EYA4: variants seen among roughly 807,000 people sequenced by gnomAD.
EYA4 encodes protein phosphatase EYA4.
A neutral mutation model predicts 87.9 loss-of-function variants in EYA4; 31 were observed. The observed-to-expected ratio is 0.35, with a 90% CI of 0.27 to 0.48. The LOEUF (loss-of-function observed/expected upper bound fraction) is 0.48. Ranked by LOEUF, EYA4 falls within the 20% of genes least tolerant of loss-of-function variation. The probability of loss-of-function intolerance (pLI) is 0.99; values close to 1 mark genes in which losing one functional copy is unlikely to be tolerated. For missense variants in EYA4, 678 were observed against 761.4 expected (o/e 0.89, Z 1.29); for synonymous variants, 263 against 270.6 (o/e 0.97, Z 0.28).
chr6:133,453,471 A>G (rs1193314680), intron 5 of EYA4: 1 of 152,182 alleles, frequency 6.6e-6, no homozygotes, highest in East Asian at 1.9e-4. Flanking sequence ...GTCTTAATAA[A>G]TCAGCTAATA....
chr6:133,264,745 G>C (rs1470396682), intron 1 of EYA4, among the ~76,000 whole-genome samples: 1 of 152,174 alleles, frequency 6.6e-6, no homozygotes. Flanking sequence ...GCCTGGTGTG[G>C]AGTTGAGATG....
intron 9 of EYA4, among the ~76,000 whole-genome samples, chr6:133,463,654 C>A (rs1794605836): frequency 6.6e-6 from 1 of 152,060 alleles, no homozygotes; most frequent in Non-Finnish European, 1.5e-5. Flanking sequence ...AGCCACCATG[C>A]CTAGCTGTGT....
intron 1 of EYA4, among the ~76,000 whole-genome samples, chr6:133,256,552 A>T (rs547519498): frequency 3.3e-5 from 5 of 152,222 alleles, no homozygotes; most frequent in Admixed American, 3.3e-4. Context: ...TAAGTAATAA[A>T]TGACATTACT....
chr6:133,338,584 TA>T (rs1465487500), intron 2 of EYA4, among the ~76,000 whole-genome samples: 1 of 152,184 alleles, frequency 6.6e-6, no homozygotes, highest in Non-Finnish European at 1.5e-5. Flanking sequence ...CAGCCTCTAT[TA>T]AATCTATAGT....
intron 3 of EYA4, among the ~76,000 whole-genome samples, chr6:133,419,621 A>G (rs1240209691): frequency 6.6e-6 from 1 of 152,220 alleles, no homozygotes; most frequent in Non-Finnish European, 1.5e-5. Flanking sequence ...GACAGCATGT[A>G]GATACATCGT....
At chr6:133,441,730 G>A (rs1215507498) in intron 3 of EYA4, among the ~76,000 whole-genome samples, 2 of 152,026 alleles carry the variant, frequency 1.3e-5, no homozygotes, top group Non-Finnish European at 2.9e-5. Context: ...TTGGGATGAA[G>A]CAGGTAATCA....
At chr6:133,308,422 A>C (rs1161743939) in intron 2 of EYA4, among the ~76,000 whole-genome samples, 1 of 152,206 alleles carries the variant, frequency 6.6e-6, no homozygotes, top group African/African-American at 2.4e-5. Context: ...TTTGGGGTAC[A>C]TGTGTAAGTT....
At chr6:133,321,195 C>G (rs1473981387) in intron 2 of EYA4, among the ~76,000 whole-genome samples, 1 of 152,116 alleles carries the variant, frequency 6.6e-6, no homozygotes, top group Non-Finnish European at 1.5e-5. Context: ...ACTTACTTAA[C>G]TTTGTTTATA....
intron 6 of EYA4, among the ~76,000 whole-genome samples, chr6:133,457,595 C>A (rs1794018319): frequency 1.3e-5 from 2 of 152,036 alleles, no homozygotes; most frequent in Non-Finnish European, 2.9e-5. Flanking sequence ...TTCACTAGTT[C>A]ACACCGATTA....
At chr6:133,317,896 C>G (rs1486126959) in intron 2 of EYA4, among the ~76,000 whole-genome samples, 1 of 151,882 alleles carries the variant, frequency 6.6e-6, no homozygotes, top group Non-Finnish European at 1.5e-5. Flanking sequence ...CCTCCATCCC[C>G]CGGTGCCCCA....
At position 133,276,407 on chromosome 6, in the gene EYA4, G is replaced by T. The variant is rs144183740; in HGVS notation, c.33+1594G>T. ...ATAGGGTGTGTATATACTCAAGAAA[G>T]AATTTTGTTTTCAATGCAGTTGAGA... On this transcript the variant is annotated intron_variant, in intron 2 of 19. Transcript: ENST00000355286. Among the ~76,000 whole-genome samples the T allele has an allele frequency of 9.2e-3, 1,393 of 152,230 alleles. 12 individuals are homozygous for T. The highest frequency in any genetic ancestry group is 0.028 in the African/African-American group (1,167 of 41,530).
chr6:133,417,158 C>T (rs1271162486), intron 3 of EYA4, among the ~76,000 whole-genome samples: 1 of 152,104 alleles, frequency 6.6e-6, no homozygotes, highest in Non-Finnish European at 1.5e-5. Flanking sequence ...TCATTTAGAG[C>T]AAATCTACTG....
intron 3 of EYA4, among the ~76,000 whole-genome samples, chr6:133,430,103 A>G (rs1299347520): frequency 6.6e-6 from 1 of 152,180 alleles, no homozygotes; most frequent in Non-Finnish European, 1.5e-5. Context: ...CCCACTTGTA[A>G]GTGAGAACAT....
intron 2 of EYA4, chr6:133,325,241 T>G (rs1046842979): frequency 1.3e-5 from 2 of 152,220 alleles, no homozygotes; most frequent in Admixed American, 1.3e-4. Flanking sequence ...GGCACATTTA[T>G]AGGATGCCAG....
rs1302843646 is a variant in EYA4, at chr6:133,275,429, C to T, written c.33+616C>T. Among the ~76,000 whole-genome samples the T allele has an allele frequency of 3.9e-5, 6 of 152,240 alleles. No homozygotes were observed. The East Asian group carries it at 5.8e-4, about 15-fold the overall frequency. Reference sequence around the variant, plus strand: ...TGGGAGGGCTTCCCTCACACCCCCACGCCTTCACACTACTGGAAGCTGTCG... The same window carrying T: ...TGGGAGGGCTTCCCTCACACCCCCATGCCTTCACACTACTGGAAGCTGTCG... On this transcript the variant is annotated intron_variant, in intron 2 of 19. Coordinates refer to ENST00000355286, the MANE Select transcript of EYA4 (RefSeq NM_004100.5).
chr6:133,245,083 A>G (rs145490046), intron 1 of EYA4: 34 of 152,136 alleles, frequency 2.2e-4, no homozygotes, highest in African/African-American at 7.5e-4. Flanking sequence ...TCTCATTATC[A>G]TTTTTTTCTG....
chr6:133,349,605 A>C (rs1202717252), intron 2 of EYA4, among the ~76,000 whole-genome samples: 1 of 151,236 alleles, frequency 6.6e-6, no homozygotes, highest in Admixed American at 6.6e-5. Context: ...ATGTATGCTG[A>C]AACAAAATGC....
chr6:133,474,287 T>C (rs1032561806), intron 11 of EYA4, among the ~76,000 whole-genome samples: 11 of 152,184 alleles, frequency 7.2e-5, no homozygotes, highest in African/African-American at 2.4e-4. Context: ...CCAATTTCCA[T>C]ATAATCACGA....
intron 2 of EYA4, among the ~76,000 whole-genome samples, chr6:133,296,259 C>G (rs1778936866): frequency 6.6e-6 from 1 of 152,112 alleles, no homozygotes; most frequent in Non-Finnish European, 1.5e-5. Context: ...GCACAAGGTC[C>G]AAGAGGTGGT....
Sources: allele counts gnomAD v4.1 joint callset (sites outside exome capture counted in the v4.1 genomes callset), GRCh38; gene constraint gnomAD v4.1.1; transcripts MANE v1.5; gene names NCBI Gene and HGNC (gene_info 2026-07-23, HGNC 2026-07-21).